The following DGKI variants were observed in gnomAD, a reference collection of about 807,000 sequenced individuals.
DGKI encodes the protein DAG kinase iota.
Under a neutral mutation model 147.5 loss-of-function variants are expected in DGKI, and 55 were observed. The observed-to-expected ratio is 0.37, with a 90% CI of 0.30 to 0.47. DGKI has a LOEUF of 0.47. Among genes scored for constraint, DGKI ranks in the 20% least tolerant of loss-of-function variants. DGKI has a pLI of 1.00. For synonymous variants in DGKI, 469 were observed against 477.1 expected, an observed-to-expected ratio of 0.98 and a Z score of 0.22; for missense variants, 1,007 against 1,323.8, an observed-to-expected ratio of 0.76 and a Z score of 3.71.
intron 20 of DGKI, among the ~76,000 whole-genome samples, chr7:137,525,492 T>C (rs1430269653): frequency 1.3e-5 from 2 of 152,160 alleles, no homozygotes; most frequent in East Asian, 3.9e-4. Context: ...ACAGCAGGTA[T>C]GGGAGGCAAC....
At chr7:137,511,676 G>C (rs557457985) in intron 21 of DGKI, among the ~76,000 whole-genome samples, 1 of 152,280 alleles carries the variant, frequency 6.6e-6, no homozygotes, top group East Asian at 1.9e-4. Context: ...TATGTGGGTG[G>C]CTCTTTCTTG....
chr7:137,563,881 C>G (rs1723092), intron 19 of DGKI, among the ~76,000 whole-genome samples: 1 of 152,126 alleles, frequency 6.6e-6, no homozygotes, highest in Non-Finnish European at 1.5e-5. Flanking sequence ...TTATCTAAAA[C>G]TTAAATGCAA....
At chr7:137,597,121 T>C (rs1563103980) in intron 12 of DGKI, among the ~76,000 whole-genome samples, 1 of 152,212 alleles carries the variant, frequency 6.6e-6, no homozygotes, top group Non-Finnish European at 1.5e-5. Flanking sequence ...CCACCTTTTT[T>C]TCATAAATGA....
At chr7:137,777,171 G>A (rs976761727) in intron 1 of DGKI, among the ~76,000 whole-genome samples, 8 of 152,082 alleles carry the variant, frequency 5.3e-5, no homozygotes, top group African/African-American at 7.2e-5. Flanking sequence ...CAGCCCAGGC[G>A]ACAGAGTGAG....
chr7:137,712,593 T>A (rs1401265272), intron 1 of DGKI, among the ~76,000 whole-genome samples: 1 of 152,202 alleles, frequency 6.6e-6, no homozygotes, highest in Admixed American at 6.5e-5. Flanking sequence ...TCTCTCCCAA[T>A]AGCAAATGGT....
chr7:137,654,818 T>A (rs772318501), intron 4 of DGKI, 30 bp from the exon 5 acceptor site: 6 of 1,451,638 alleles, frequency 4.1e-6, no homozygotes, highest in Non-Finnish European at 5.8e-6. Context: ...GTATATTATA[T>A]TAGAGATAAG....
chr7:137,568,498 T>C (rs1818668945), intron 19 of DGKI, among the ~76,000 whole-genome samples: 1 of 152,156 alleles, frequency 6.6e-6, no homozygotes, highest in African/African-American at 2.4e-5. Flanking sequence ...TTGGACTGCA[T>C]CAGTGGCTCC....
intron 19 of DGKI, among the ~76,000 whole-genome samples, chr7:137,562,728 TAA>T (rs1818458299): frequency 1.3e-5 from 2 of 152,168 alleles, no homozygotes; most frequent in South Asian, 4.1e-4. Flanking sequence ...TTTAACTTAA[TAA>T]AGTTGACTCA....
At chr7:137,506,347 A>G (rs1261166591) in intron 21 of DGKI, among the ~76,000 whole-genome samples, 1 of 152,228 alleles carries the variant, frequency 6.6e-6, no homozygotes, top group Non-Finnish European at 1.5e-5. Flanking sequence ...AAAGATGGCA[A>G]TTTGAAAGGC....
intron 1 of DGKI, among the ~76,000 whole-genome samples, chr7:137,817,461 A>C (rs1024121791): frequency 2.0e-5 from 3 of 152,240 alleles, no homozygotes; most frequent in African/African-American, 7.2e-5. Context: ...ACGTACATTC[A>C]ATAATAACAA....
intron 1 of DGKI, among the ~76,000 whole-genome samples, chr7:137,751,424 GCTAC>G (rs1795487074): frequency 1.3e-5 from 2 of 152,288 alleles, no homozygotes; most frequent in South Asian, 4.1e-4. Context: ...CACCTGAAAA[GCTAC>G]CTTGTACTTG....
intron 11 of DGKI, 133 bp from the exon 12 acceptor site, chr7:137,598,040 G>T (rs1469777227): frequency 1.1e-5 from 8 of 711,396 alleles, no homozygotes; most frequent in Non-Finnish European, 1.9e-5. Flanking sequence ...GGATGACAAT[G>T]CTATCATAGG....
intron 3 of DGKI, among the ~76,000 whole-genome samples, chr7:137,674,656 C>A (rs1230733574): frequency 1.3e-5 from 2 of 152,222 alleles, no homozygotes; most frequent in Non-Finnish European, 2.9e-5. Context: ...GACACATGCT[C>A]ATGCACGGCT....
At chr7:137,633,005 G>C (rs1311915828) in intron 6 of DGKI, among the ~76,000 whole-genome samples, 1 of 152,060 alleles carries the variant, frequency 6.6e-6, no homozygotes, top group Non-Finnish European at 1.5e-5. Flanking sequence ...CTGAGGCCGG[G>C]TGTTCAAGAC....
At chr7:137,629,224 GAA>G (rs10537666) in intron 6 of DGKI, among the ~76,000 whole-genome samples, 1 of 140,382 alleles carries the variant, frequency 7.1e-6, no homozygotes, top group African/African-American at 2.6e-5. Flanking sequence ...TATGATTTTT[GAA>G]AAAAAAAAAG....
chr7:137,761,435 G>C (rs1197717972), intron 1 of DGKI, among the ~76,000 whole-genome samples: 2 of 152,204 alleles, frequency 1.3e-5, no homozygotes, highest in Non-Finnish European at 2.9e-5. Flanking sequence ...CCTGGTTATT[G>C]TGGTGATTAA....
intron 28 of DGKI, among the ~76,000 whole-genome samples, chr7:137,413,698 T>C (rs904393641): frequency 6.6e-6 from 1 of 152,188 alleles, no homozygotes; most frequent in African/African-American, 2.4e-5. Flanking sequence ...TAGGCACCTA[T>C]GTTGATTCCA....
chr7:137,441,181 G>A (rs1474926731), intron 28 of DGKI, among the ~76,000 whole-genome samples: 3 of 152,114 alleles, frequency 2.0e-5, no homozygotes, highest in Non-Finnish European at 4.4e-5. Flanking sequence ...AGTACTTTGG[G>A]AGGCCGAGGT....
At chr7:137,794,239 T>A (rs989839985) in intron 1 of DGKI, among the ~76,000 whole-genome samples, 3 of 152,194 alleles carry the variant, frequency 2.0e-5, no homozygotes, top group Non-Finnish European at 2.9e-5. Flanking sequence ...CCTCAAAGCC[T>A]AACTCAAATA....
Sources: allele counts gnomAD v4.1 joint callset (sites outside exome capture counted in the v4.1 genomes callset), GRCh38; gene constraint gnomAD v4.1.1; transcripts MANE v1.5; gene names NCBI Gene and HGNC (gene_info 2026-07-23, HGNC 2026-07-21).